STARD9: variants seen among roughly 807,000 people sequenced by gnomAD.
STARD9 encodes the protein StAR related lipid transfer domain containing 9.
A neutral mutation model predicts 399.8 loss-of-function variants in STARD9; 346 were observed. That is an observed-to-expected ratio of 0.87 (90% confidence interval 0.79 to 0.95). The LOEUF (loss-of-function observed/expected upper bound fraction) is 0.95. Ranked by LOEUF, STARD9 falls within the 40% of genes least tolerant of loss-of-function variation. STARD9 has a pLI of 0.00. For synonymous variants in STARD9, 2,203 were observed against 2,143.5 expected, an observed-to-expected ratio of 1.03 and a Z score of -0.77; for missense variants, 5,832 against 5,667.5, an observed-to-expected ratio of 1.03 and a Z score of -0.93.
intron 1 of STARD9, among the ~76,000 whole-genome samples, chr15:42,576,509 G>C (rs2058059864): frequency 6.6e-6 from 1 of 152,196 alleles, no homozygotes; most frequent in South Asian, 2.1e-4. Context: ...CTTCTATGTA[G>C]TAAGACCGCC....
intron 1 of STARD9, among the ~76,000 whole-genome samples, chr15:42,582,236 A>C (rs567751521): frequency 1.3e-5 from 2 of 152,328 alleles, no homozygotes; most frequent in South Asian, 2.1e-4. Context: ...AAGCCTGAGG[A>C]AGGATAAAAA....
At chr15:42,578,842 T>A (rs1303312044) in intron 1 of STARD9, among the ~76,000 whole-genome samples, 1 of 152,224 alleles carries the variant, frequency 6.6e-6, no homozygotes, top group Non-Finnish European at 1.5e-5. Context: ...CACATTTTTG[T>A]AGCAGAAAAC....
rs1245525776 is a variant in STARD9, at chr15:42,718,860, C to T, written c.13951C>T (p.Pro4651Ser). ...CCTGCCCAGTGCCTGGATCTTGCAG[C>T]CCATCACTGTGGAAGGGAAGGAAGT... ...EILPSAWILQ[P>S]ITVEGKEVTR... Residue 4651 changes from proline (P) to serine (S), a missense_variant, in exon 32 of 33, where the codon CCC becomes TCC. Around this residue, in one of 2 missense-constraint regions of STARD9, gnomAD observed 5,828 missense variants for 5,651.1 expected, o/e 1.03. Coordinates refer to ENST00000290607, the MANE Select transcript of STARD9 (RefSeq NM_020759.3). The T allele has an allele frequency of 6.5e-7, 1 of 1,537,232 alleles. No homozygotes were observed. The highest frequency in any genetic ancestry group is 8.7e-7 in the Non-Finnish European group (1 of 1,146,868).
chr15:42,714,676 C>A (rs1193553578), intron 26 of STARD9, among the ~76,000 whole-genome samples: 1 of 152,108 alleles, frequency 6.6e-6, no homozygotes, highest in Non-Finnish European at 1.5e-5. Flanking sequence ...AACTCCTGGA[C>A]TCAAGGGATT....
At position 42,688,615 on chromosome 15, in the gene STARD9, G is replaced by A. The variant is rs2060617300; in HGVS notation, c.7037G>A (p.Cys2346Tyr). The A allele has an allele frequency of 6.5e-7, 1 of 1,537,422 alleles. No homozygotes were observed. The highest frequency in any genetic ancestry group is 2.0e-5 in the Admixed American group (1 of 50,966). Residue 2346 changes from cysteine (C) to tyrosine (Y), a missense_variant, in exon 23 of 33, where the codon TGT becomes TAT. Cys to Tyr is a radical substitution (Grantham distance 194, BLOSUM62 -2). Around this residue, in one of 2 missense-constraint regions of STARD9, gnomAD observed 5,828 missense variants for 5,651.1 expected, o/e 1.03. Transcript: ENST00000290607. The stretch of plus-strand genomic sequence containing the variant: ...AATTCTCCAAGGTGGCCAAGAAGGT[G>A]TCTTCATGTACCTGTTGCTCTAGGC... ...PLNSPRWPRR[C>Y]LHVPVALGIS...
intron 7 of STARD9, among the ~76,000 whole-genome samples, chr15:42,646,664 C>T (rs576182876): frequency 6.5e-4 from 99 of 152,300 alleles, no homozygotes; most frequent in African/African-American, 2.3e-3. Context: ...TTCATATCAG[C>T]AAGAAGGCTG....
At position 42,634,877 on chromosome 15, in the gene STARD9, G is replaced by A; in HGVS notation, c.256G>A (p.Glu86Lys). The A allele has an allele frequency of 6.5e-7, 1 of 1,534,612 alleles. No individual in the cohort carries two copies. ...QDVVFQDLGM[E>K]VLSGVAKGYN... ...ACAGGTTTTCCAGGATTTAGGGATG[G>A]AAGTACTGTCTGGAGTTGCCAAAGG... is the stretch of plus-strand genomic sequence containing the variant. The change falls in exon 4 of 33, where the codon GAA becomes AAA. Residue 86 changes from glutamate to lysine, a missense_variant. Around this residue, in one of 2 missense-constraint regions of STARD9, gnomAD observed 5,828 missense variants for 5,651.1 expected, o/e 1.03. Transcript: ENST00000290607.
At chr15:42,701,791 G>A (rs996247883) in intron 26 of STARD9, among the ~76,000 whole-genome samples, 3 of 151,984 alleles carry the variant, frequency 2.0e-5, no homozygotes, top group East Asian at 1.9e-4. Flanking sequence ...TCAGGAGTTC[G>A]AGACCAGCCT....
intron 7 of STARD9, among the ~76,000 whole-genome samples, chr15:42,639,613 A>G (rs980167849): frequency 3.3e-5 from 5 of 152,172 alleles, no homozygotes; most frequent in Admixed American, 6.5e-5. Flanking sequence ...TGTAATCCCA[A>G]TGCTTTGGGA....
intron 26 of STARD9, among the ~76,000 whole-genome samples, chr15:42,696,214 C>G (rs6493061): frequency 6.6e-6 from 1 of 152,036 alleles, no homozygotes; most frequent in South Asian, 2.1e-4. Context: ...TGTTTGAAGG[C>G]GGGTTGCTAA....
chr15:42,637,389 A>G (rs1355578958), intron 4 of STARD9, among the ~76,000 whole-genome samples: 2 of 151,828 alleles, frequency 1.3e-5, no homozygotes, highest in African/African-American at 4.8e-5. Context: ...ATTTTTTTGT[A>G]TTTTTAGTAG....
chr15:42,598,644 A>G (rs997354685), intron 3 of STARD9, among the ~76,000 whole-genome samples: 2 of 152,212 alleles, frequency 1.3e-5, no homozygotes, highest in African/African-American at 4.8e-5. Flanking sequence ...TTTTGATACA[A>G]TCTGTCATGA....
intron 7 of STARD9, among the ~76,000 whole-genome samples, chr15:42,645,403 CT>C (rs2059626338): frequency 6.6e-6 from 1 of 152,186 alleles, no homozygotes; most frequent in African/African-American, 2.4e-5. Flanking sequence ...ACCAGGCACA[CT>C]GTCAATGAGC....
chr15:42,600,501 A>G (rs1325162438), intron 3 of STARD9, among the ~76,000 whole-genome samples: 1 of 149,958 alleles, frequency 6.7e-6, no homozygotes, highest in Non-Finnish European at 1.5e-5. Context: ...TGAGAGAGAG[A>G]GGGTTTTGCT....
chr15:42,685,892 C>G lies in STARD9; in HGVS notation c.4314C>G (p.Gly1438=). The change falls in exon 23 of 33, where the codon GGC becomes GGG. Residue 1438 remains glycine (G), a synonymous_variant. Transcript: ENST00000290607. The part of the protein sequence containing the change: ...IQRLIQPGAD[G]TFQGRCIPDM... ...GGCTTATTCAACCAGGAGCTGATGG[C>G]ACCTTTCAGGGCAGATGTATCCCTG... is the stretch of plus-strand genomic sequence containing the variant. 6.5e-7 allele frequency: 1 copy of G among 1,537,136 alleles called. No individual in the cohort carries two copies.
intron 22 of STARD9, among the ~76,000 whole-genome samples, chr15:42,683,579 TAC>T (rs1478649199): frequency 2.0e-5 from 3 of 152,220 alleles, no homozygotes; most frequent in Non-Finnish European, 4.4e-5. Context: ...CAAAACTATT[TAC>T]AGTTTTCTTT....
chr15:42,659,621 G>C (rs779067944), intron 9 of STARD9, among the ~76,000 whole-genome samples: 3 of 152,198 alleles, frequency 2.0e-5, no homozygotes, highest in Non-Finnish European at 4.4e-5. Context: ...CTGCCTCCTG[G>C]CTTCATGCCA....
intron 1 of STARD9, among the ~76,000 whole-genome samples, chr15:42,579,241 A>G (rs556518794): frequency 1.4e-4 from 21 of 152,174 alleles, no homozygotes; most frequent in Non-Finnish European, 2.6e-4. Flanking sequence ...TCGTTTTACA[A>G]ACCAACCACT....
intron 16 of STARD9, among the ~76,000 whole-genome samples, chr15:42,673,484 A>G (rs1251394080): frequency 6.6e-6 from 1 of 152,190 alleles, no homozygotes; most frequent in African/African-American, 2.4e-5. Context: ...GGGGCTTAGG[A>G]TCCAGAGAGA....
Sources: gnomAD v4.1 joint callset for allele counts (sites outside exome capture counted in the v4.1 genomes callset) on GRCh38, gnomAD v4.1.1 for gene constraint, gnomAD v4.1.1 regional missense constraint, MANE v1.5 for transcripts, NCBI Gene and HGNC (gene_info 2026-07-23, HGNC 2026-07-21) for gene names.